VWA3B: variants seen among roughly 807,000 people sequenced by gnomAD.
VWA3B encodes von Willebrand factor A domain-containing protein 3B.
A neutral mutation model predicts 158.3 loss-of-function variants in VWA3B; 138 were observed. The ratio of observed to expected loss-of-function variants is 0.87; its 90% CI spans 0.76 to 1.00. VWA3B has a LOEUF of 1.00. Ranked by LOEUF, VWA3B falls within the 50% of genes least tolerant of loss-of-function variation. The pLI, the probability that VWA3B is intolerant of heterozygous loss-of-function variation, is 0.00. For missense variants in VWA3B, 1,555 were observed against 1,565.1 expected (o/e 0.99, Z 0.11); for synonymous variants, 596 against 587.3 (o/e 1.01, Z -0.21).
At chr2:98,192,868 C>T in intron 10 of VWA3B, 30 bp from the exon 11 acceptor site, 1 of 1,614,100 alleles carries the variant, frequency 6.2e-7, no homozygotes, top group Non-Finnish European at 8.5e-7. Context: ...CAGGCTCTCA[C>T]CATTCACTTT....
At chr2:98,163,069 T>C in intron 8 of VWA3B, 93 bp downstream of exon 8, 1 of 1,555,620 alleles carries the variant, frequency 6.4e-7, no homozygotes, top group Non-Finnish European at 8.7e-7. Flanking sequence ...CCAGAGAAGC[T>C]CCAGAGCCCA....
chr2:98,214,622 G>A (rs1430471650), intron 13 of VWA3B, among the ~76,000 whole-genome samples: 1 of 152,064 alleles, frequency 6.6e-6, no homozygotes, highest in African/African-American at 2.4e-5. Context: ...ACAACTGTTA[G>A]CCTATTATAC....
intron 24 of VWA3B, among the ~76,000 whole-genome samples, chr2:98,298,566 C>T (rs1019896142): frequency 2.6e-5 from 4 of 152,112 alleles, no homozygotes; most frequent in East Asian, 1.9e-4. Flanking sequence ...TGATGTCAGA[C>T]GGTGATACCG....
intron 24 of VWA3B, among the ~76,000 whole-genome samples, chr2:98,298,988 G>A (rs956073186): frequency 1.2e-4 from 19 of 152,192 alleles, no homozygotes; most frequent in Admixed American, 5.2e-4. Context: ...CCTCTGAGCC[G>A]GGGTGGAAAG....
chr2:98,240,562 C>T (rs1049644986), intron 19 of VWA3B, among the ~76,000 whole-genome samples: 2 of 152,144 alleles, frequency 1.3e-5, no homozygotes, highest in African/African-American at 2.4e-5. Context: ...TAGCATGTAT[C>T]CCCACAGACA....
intron 24 of VWA3B, 143 bp from the exon 25 acceptor site, chr2:98,299,936 T>C: frequency 2.6e-6 from 3 of 1,168,712 alleles, no homozygotes; most frequent in Non-Finnish European, 3.6e-6. Flanking sequence ...CTTGGAACTC[T>C]TTCTTAACTG....
chr2:98,168,407 A>ACT lies in VWA3B; in HGVS notation c.1114+5432_1114+5433insTC, dbSNP rs1679289103. On this transcript the variant is annotated intron_variant, in intron 8 of 27. Coordinates refer to ENST00000477737, the MANE Select transcript of VWA3B (RefSeq NM_144992.5). ...CACACACACACACACACACACACAC[A>ACT]CAAACTAAAACCCAAAATAACTCTA... Among the ~76,000 whole-genome samples the ACT allele has an allele frequency of 6.6e-5, 10 of 151,800 alleles. No individual in the cohort carries two copies. In the South Asian group the frequency reaches 1.9e-3, roughly 28 times the overall value.
At chr2:98,107,713 T>C (rs1673783021) in intron 2 of VWA3B, among the ~76,000 whole-genome samples, 1 of 152,106 alleles carries the variant, frequency 6.6e-6, no homozygotes, top group Non-Finnish European at 1.5e-5. Flanking sequence ...TTTGTGGTAT[T>C]TCCCATTTTA....
At position 98,236,741 on chromosome 2, in the gene VWA3B, T is replaced by C; in HGVS notation, c.2673+11T>C. On this transcript the variant is annotated intron_variant, in intron 19 of 27. Transcript: ENST00000477737. ...AAGGTCTTTGATGAGGTAAACTGATTGTCTATACGTCCCTACTTGAGGCCA... is the reference window on the plus strand; with the variant it reads ...AAGGTCTTTGATGAGGTAAACTGATCGTCTATACGTCCCTACTTGAGGCCA... 1 of 1,605,432 alleles carries C rather than the reference T, an allele frequency of 6.2e-7. No individual in the cohort carries two copies. Among genetic ancestry groups the C allele is most frequent in the Non-Finnish European group, 8.5e-7 (1 of 1,177,162 alleles).
chr2:98,219,173 A>G (rs1684280079), intron 14 of VWA3B, among the ~76,000 whole-genome samples: 1 of 152,208 alleles, frequency 6.6e-6, no homozygotes, highest in South Asian at 2.1e-4. Context: ...ACAGACCCAT[A>G]ATGAGGAGGA....
intron 21 of VWA3B, among the ~76,000 whole-genome samples, chr2:98,265,990 AGG>A (rs1687799238): frequency 7.1e-6 from 1 of 141,614 alleles, no homozygotes. Flanking sequence ...CCCATTTTGT[AGG>A]TTGCCTGTTC....
At chr2:98,207,151 GC>G (rs1683093083) in intron 12 of VWA3B, 1 of 545,030 alleles carries the variant, frequency 1.8e-6, no homozygotes, top group Non-Finnish European at 3.7e-6. Flanking sequence ...GCCTACCCTG[GC>G]CACTGACATG....
chr2:98,145,878 C>T (rs904430240), intron 7 of VWA3B, among the ~76,000 whole-genome samples: 1 of 151,986 alleles, frequency 6.6e-6, no homozygotes, highest in African/African-American at 2.4e-5. Context: ...TGCCACTATG[C>T]CCAGATAATT....
rs192864649 is a variant in VWA3B, at chr2:98,262,800, T to A, written c.2843+6626T>A. On this transcript the variant is annotated intron_variant, in intron 21 of 27. Transcript: ENST00000477737. ...TTGAAATTCCATATAAATTTTAGGA[T>A]CTTTTTGTACTTATACAAAAAATAC... Among the ~76,000 whole-genome samples the A allele has an allele frequency of 4.9e-3, 746 of 152,054 alleles. 6 individuals carry two copies. Among genetic ancestry groups the A allele is most frequent in the Non-Finnish European group, 8.7e-3 (587 of 67,844 alleles).
intron 12 of VWA3B, among the ~76,000 whole-genome samples, chr2:98,210,829 C>T (rs1020582175): frequency 5.3e-5 from 8 of 152,198 alleles, no homozygotes; most frequent in African/African-American, 1.9e-4. Context: ...GGTAATGTGA[C>T]CCAGGCACCG....
the VWA3B span, among the ~76,000 whole-genome samples, chr2:98,324,298 G>A: frequency 6.6e-6 from 1 of 152,038 alleles, no homozygotes; most frequent in African/African-American, 2.4e-5. Flanking sequence ...AAGTAGCTGG[G>A]ACTACAGGAA....
In VWA3B at chr2:98,128,368, A is replaced by G; in HGVS notation, c.832A>G (p.Ile278Val). The G allele has an allele frequency of 1.2e-6, 2 of 1,614,014 alleles. No individual in the cohort carries two copies. The highest frequency in any genetic ancestry group is 2.2e-5 in the East Asian group (1 of 44,874). The change falls in exon 6 of 28, where the codon ATA becomes GTA. Residue 278 changes from isoleucine to valine, a missense_variant. Ile to Val is a conservative substitution (Grantham distance 29). Transcript: ENST00000477737. ...CTTCAACGCCAGAGGAGAAGGCACT[A>G]TAGCTTTTCTAAAGGATCTGAGTGC... Reference protein sequence around the residue: ...VSFNARGEGTIAFLKDLSAKT... With the variant: ...VSFNARGEGTVAFLKDLSAKT...
rs200162916 is a variant in VWA3B at position 98,093,197 on chromosome 2, A to G, written c.105A>G (p.Ser35=). The G allele has an allele frequency of 7.9e-5, 128 of 1,614,038 alleles. No homozygotes were observed. Among genetic ancestry groups the G allele is most frequent in the Non-Finnish European group, 9.2e-5 (108 of 1,180,020 alleles). ...KTDLAEQSLI[S]SEKWLQLHGL... is the part of the protein sequence containing the mutation. ...ACTTGGCTGAGCAGAGTCTCATTTC[A>G]TCTGAGAAATGGCTTCAACTGCATG... The change falls in exon 2 of 28, where the codon TCA becomes TCG. Residue 35 remains serine, a synonymous_variant. Transcript: ENST00000477737.
intron 12 of VWA3B, among the ~76,000 whole-genome samples, chr2:98,209,510 G>C (rs1233646927): frequency 6.6e-6 from 1 of 152,116 alleles, no homozygotes; most frequent in Non-Finnish European, 1.5e-5. Context: ...TCGATCTCCT[G>C]ACCTCATGAT....
Sources: gnomAD v4.1 joint callset for allele counts (sites outside exome capture counted in the v4.1 genomes callset) on GRCh38, gnomAD v4.1.1 for gene constraint, MANE v1.5 for transcripts, NCBI Gene and HGNC (gene_info 2026-07-23, HGNC 2026-07-21) for gene names.